The following GRIA4 variants were observed in gnomAD, a reference collection of about 807,000 sequenced individuals.
GRIA4 encodes the protein glutamate receptor 4.
A neutral mutation model predicts 104.0 loss-of-function variants in GRIA4; 34 were observed. That is an observed-to-expected ratio of 0.33 (90% CI 0.25 to 0.44). The LOEUF (loss-of-function observed/expected upper bound fraction) is 0.44. Among genes scored for constraint, GRIA4 ranks in the 20% least tolerant of loss-of-function variants. The pLI is 1.00. For missense variants in GRIA4, 750 were observed against 1,096.5 expected (o/e 0.68, Z 4.46); for synonymous variants, 386 against 381.9 (o/e 1.01, Z -0.13).
chr11:105,832,207 C>A lies in GRIA4; in HGVS notation c.488-29817C>A, dbSNP rs116167804. ...AGAAAGAGCAGTCAGAAAGCCACAG[C>A]AACTTGACATATATCTGCTGGAATG... On this transcript the variant is annotated intron_variant, in intron 4 of 16. Coordinates refer to ENST00000282499, the MANE Select transcript of GRIA4 (RefSeq NM_000829.4). Among the ~76,000 whole-genome samples, 435 of 152,038 alleles carry A rather than the reference C, an allele frequency of 2.9e-3. 5 individuals carry two copies. The highest frequency in any genetic ancestry group is 1.0e-2 in the African/African-American group (413 of 41,498).
At chr11:105,672,898 G>A (rs1005588597) in intron 3 of GRIA4, among the ~76,000 whole-genome samples, 1 of 151,834 alleles carries the variant, frequency 6.6e-6, no homozygotes, top group Non-Finnish European at 1.5e-5. Flanking sequence ...ATTAAATGCA[G>A]GTATTCATTT....
At chr11:105,949,800 G>A (rs760612697) in intron 14 of GRIA4, among the ~76,000 whole-genome samples, 1 of 152,156 alleles carries the variant, frequency 6.6e-6, no homozygotes, top group Non-Finnish European at 1.5e-5. Context: ...AATATAGTTA[G>A]GACTATAAGG....
intron 10 of GRIA4, among the ~76,000 whole-genome samples, chr11:105,917,818 GTGT>G: frequency 1.2e-5 from 1 of 86,440 alleles, no homozygotes; most frequent in African/African-American, 4.0e-5. Flanking sequence ...GTTTAAGGGT[GTGT>G]GTGTGTGTGT....
chr11:105,907,586 A>T (rs1270709403), intron 9 of GRIA4, among the ~76,000 whole-genome samples: 2 of 152,150 alleles, frequency 1.3e-5, no homozygotes, highest in African/African-American at 4.8e-5. Context: ...GCTCTTTCTG[A>T]AGTCCCAGCT....
intron 4 of GRIA4, among the ~76,000 whole-genome samples, chr11:105,795,492 G>A (rs186278316): frequency 1.3e-5 from 2 of 152,264 alleles, no homozygotes; most frequent in Admixed American, 6.5e-5. Context: ...GTGAATGTGT[G>A]ATGTGGACGT....
intron 5 of GRIA4, among the ~76,000 whole-genome samples, chr11:105,868,955 C>T (rs1403524477): frequency 6.6e-6 from 1 of 152,046 alleles, no homozygotes. Flanking sequence ...TTTAGCAGAA[C>T]TGATTCGAAT....
chr11:105,892,179 T>A (rs753675236), intron 6 of GRIA4, among the ~76,000 whole-genome samples: 1 of 152,108 alleles, frequency 6.6e-6, no homozygotes, highest in Non-Finnish European at 1.5e-5. Flanking sequence ...ACAGCACCCG[T>A]CAGGGGGACC....
chr11:105,641,550 A>G (rs1392801202), intron 3 of GRIA4, among the ~76,000 whole-genome samples: 2 of 152,306 alleles, frequency 1.3e-5, no homozygotes, highest in Non-Finnish European at 2.9e-5. Flanking sequence ...TGAATACATC[A>G]AGATAGAGCA....
intron 11 of GRIA4, among the ~76,000 whole-genome samples, chr11:105,922,346 T>C (rs1947588093): frequency 6.6e-6 from 1 of 152,164 alleles, no homozygotes; most frequent in South Asian, 2.1e-4. Context: ...CTGGGGATGG[T>C]AGAAATTTGC....
intron 3 of GRIA4, among the ~76,000 whole-genome samples, chr11:105,614,866 A>G (rs1950561748): frequency 6.6e-6 from 1 of 151,950 alleles, no homozygotes; most frequent in South Asian, 2.1e-4. Context: ...AATCTAATTA[A>G]AGGTAAAACG....
At chr11:105,708,930 A>ATG (rs963767098) in intron 3 of GRIA4, among the ~76,000 whole-genome samples, 2 of 152,074 alleles carry the variant, frequency 1.3e-5, no homozygotes. Context: ...AGATGTGTAG[A>ATG]TGTGTGTGTA....
At chr11:105,879,217 G>A (rs1167851827) in intron 5 of GRIA4, among the ~76,000 whole-genome samples, 2 of 152,128 alleles carry the variant, frequency 1.3e-5, no homozygotes, top group Non-Finnish European at 2.9e-5. Flanking sequence ...TCCGTGGGCT[G>A]CACCCACTGT....
intron 14 of GRIA4, among the ~76,000 whole-genome samples, chr11:105,956,175 T>G (rs1030143425): frequency 7.2e-6 from 1 of 139,566 alleles, no homozygotes; most frequent in African/African-American, 2.7e-5. Context: ...AGGTTACATA[T>G]GTATACATGT....
At chr11:105,641,608 A>G (rs1182001644) in intron 3 of GRIA4, among the ~76,000 whole-genome samples, 1 of 152,082 alleles carries the variant, frequency 6.6e-6, no homozygotes, top group Non-Finnish European at 1.5e-5. Flanking sequence ...CTGTGTCACT[A>G]CTAGTTTTGG....
chr11:105,717,112 T>C (rs1954117940), intron 3 of GRIA4, among the ~76,000 whole-genome samples: 1 of 152,058 alleles, frequency 6.6e-6, no homozygotes, highest in Non-Finnish European at 1.5e-5. Flanking sequence ...ATGTTGAAAA[T>C]GAGGTTAACA....
At chr11:105,881,137 A>C (rs1248295436) in intron 5 of GRIA4, among the ~76,000 whole-genome samples, 1 of 152,160 alleles carries the variant, frequency 6.6e-6, no homozygotes, top group Non-Finnish European at 1.5e-5. Flanking sequence ...AATGAGTGTA[A>C]ACTAATTACT....
At position 105,827,853 on chromosome 11, in the gene GRIA4, A is replaced by T. The variant is rs576646847; in HGVS notation, c.488-34171A>T. ...TTCTGGTTAAGTCAATAGACTATCA[A>T]CTAAATTTGCTTTTTATGTATTCAA... On this transcript the variant is annotated intron_variant, in intron 4 of 16. Transcript: ENST00000282499. Among the ~76,000 whole-genome samples, 14 of 152,192 alleles carry T rather than the reference A, an allele frequency of 9.2e-5. No individual in the cohort carries two copies. The South Asian group carries it at 2.7e-3, about 29-fold the overall frequency.
intron 4 of GRIA4, among the ~76,000 whole-genome samples, chr11:105,823,383 G>A (rs1230935799): frequency 6.6e-6 from 1 of 151,698 alleles, no homozygotes; most frequent in Non-Finnish European, 1.5e-5. Context: ...AGGTTCTTGT[G>A]GAAAAAAACA....
At position 105,831,013 on chromosome 11, in the gene GRIA4, T is replaced by C. The variant is rs534198326; in HGVS notation, c.488-31011T>C. Among the ~76,000 whole-genome samples the C allele has an allele frequency of 5.9e-5, 9 of 151,966 alleles. No homozygotes were observed. The South Asian group carries it at 1.9e-3, about 31-fold the overall frequency. On this transcript the variant is annotated intron_variant, in intron 4 of 16. Transcript: ENST00000282499. ...ACATTTTTTATTTATCTATCAACCA[T>C]GCCAAATGTGGTAACTTTAAAAAGC...
Sources: allele counts gnomAD v4.1 joint callset (sites outside exome capture counted in the v4.1 genomes callset), GRCh38; gene constraint gnomAD v4.1.1; transcripts MANE v1.5; gene names NCBI Gene and HGNC (gene_info 2026-07-23, HGNC 2026-07-21).